GPR149: variants seen among roughly 807,000 people sequenced by gnomAD.
GPR149 encodes the protein probable G protein-coupled receptor 149.
A neutral mutation model predicts 50.2 loss-of-function variants in GPR149; 50 were observed. The observed-to-expected ratio is 1.00, with a 90% CI of 0.79 to 1.26. The LOEUF (loss-of-function observed/expected upper bound fraction) is 1.26, where lower values mean the gene tolerates loss of function less well. Ranked by LOEUF, GPR149 falls within the 50% of genes most tolerant of loss-of-function variation. The pLI is 0.00. For synonymous variants in GPR149, 405 were observed against 358.2 expected (o/e 1.13, Z -1.48); for missense variants, 983 against 895.4 (o/e 1.10, Z -1.25).
chr3:154,354,759 T>A, intron 3 of GPR149: 1 of 729,854 alleles, frequency 1.4e-6, no homozygotes, highest in South Asian at 1.9e-5. Flanking sequence ...CCAAGGGTGT[T>A]TTCAGCTCCA....
chr3:154,380,198 G>C (rs1714887223), intron 3 of GPR149, among the ~76,000 whole-genome samples: 1 of 151,056 alleles, frequency 6.6e-6, no homozygotes, highest in East Asian at 1.9e-4. Flanking sequence ...GAGAGAGAGA[G>C]AGAGAGAGAG....
At chr3:154,386,752 C>T (rs545593938) in intron 3 of GPR149, among the ~76,000 whole-genome samples, 2 of 151,996 alleles carry the variant, frequency 1.3e-5, no homozygotes, top group Non-Finnish European at 2.9e-5. Context: ...AAAACCACTG[C>T]GATTGAATTC....
intron 3 of GPR149, among the ~76,000 whole-genome samples, chr3:154,377,989 C>T (rs12488867): frequency 0.25 from 38,020 of 151,580 alleles, 5,724 homozygotes; most frequent in East Asian, 0.68. Context: ...TCTTACTTTG[C>T]ATACTGTTTT....
intron 3 of GPR149, among the ~76,000 whole-genome samples, chr3:154,399,238 T>C (rs1460147815): frequency 6.6e-6 from 1 of 152,178 alleles, no homozygotes; most frequent in Non-Finnish European, 1.5e-5. Context: ...GTCAGGTTCA[T>C]TAAAGACAAG....
intron 3 of GPR149, among the ~76,000 whole-genome samples, chr3:154,395,559 C>G (rs1052189259): frequency 6.6e-6 from 1 of 151,924 alleles, no homozygotes; most frequent in Non-Finnish European, 1.5e-5. Context: ...GAGGCCAGGG[C>G]AGGAGGATTG....
At chr3:154,349,271 T>C (rs1714009057) in intron 3 of GPR149, among the ~76,000 whole-genome samples, 1 of 152,032 alleles carries the variant, frequency 6.6e-6, no homozygotes, top group South Asian at 2.1e-4. Flanking sequence ...CTGATATCAA[T>C]GACATTGAAA....
intron 3 of GPR149, among the ~76,000 whole-genome samples, chr3:154,381,993 T>G (rs181621724): frequency 6.6e-6 from 1 of 152,270 alleles, no homozygotes; most frequent in Non-Finnish European, 1.5e-5. Flanking sequence ...CCCTAAATGA[T>G]AAGGTTTTTT....
chr3:154,362,288 C>CAAA lies in GPR149; in HGVS notation c.1624-24020_1624-24018dup, dbSNP rs34401689. ...TGGGCGACAGAGCAAGACTCCGTCTCAAAAAAAAAAAAAAAAAAAAATGAC... is the reference window on the plus strand; with the variant it reads ...TGGGCGACAGAGCAAGACTCCGTCTCAAAAAAAAAAAAAAAAAAAAAAAATGAC... On this transcript the variant is annotated intron_variant, in intron 3 of 3. Coordinates refer to ENST00000389740, the MANE Select transcript of GPR149 (RefSeq NM_001038705.3). 2.2e-3 allele frequency among the ~76,000 whole-genome samples: 210 copies of CAAA among 94,236 alleles called. 3 individuals are homozygous for CAAA. Among genetic ancestry groups the CAAA allele is most frequent in the African/African-American group, 7.2e-3 (162 of 22,502 alleles). The allele number at this position is 94,236 out of a possible 152,430, so 61.8% of individuals were successfully genotyped here.
In GPR149 at chr3:154,390,184, G is replaced by C. The variant is rs1203985904; in HGVS notation, c.1623+30855C>G. ...CTGGGAGTGCGGACATAAACACAAA[G>C]AGTCGAGAATAAAGAAACAGGAAAA... On this transcript the variant is annotated intron_variant, in intron 3 of 3. Coordinates refer to ENST00000389740, the MANE Select transcript of GPR149 (RefSeq NM_001038705.3). 3.9e-5 allele frequency among the ~76,000 whole-genome samples: 6 copies of C among 152,188 alleles called. No homozygotes were observed. In the Middle Eastern group the frequency reaches 0.014, roughly 345 times the overall value.
At chr3:154,374,176 T>C (rs1282517275) in intron 3 of GPR149, among the ~76,000 whole-genome samples, 6 of 144,488 alleles carry the variant, frequency 4.2e-5, no homozygotes, top group African/African-American at 1.5e-4. Context: ...TTTCTTTTTT[T>C]TTTTTTTTTG....
intron 3 of GPR149, among the ~76,000 whole-genome samples, chr3:154,401,857 G>A (rs2136839): frequency 0.96 from 145,829 of 152,234 alleles, 69,946 homozygotes; most frequent in East Asian, 1. Flanking sequence ...CTAAATAAAT[G>A]TAATAATCTG....
intron 3 of GPR149, among the ~76,000 whole-genome samples, chr3:154,356,828 C>A (rs1356578420): frequency 6.6e-6 from 1 of 152,152 alleles, no homozygotes; most frequent in Non-Finnish European, 1.5e-5. Context: ...TTGGAAAAAA[C>A]TACTTTAAAG....
intron 3 of GPR149, chr3:154,353,103 AT>A: frequency 6.8e-7 from 1 of 1,472,040 alleles, no homozygotes; most frequent in Non-Finnish European, 9.5e-7. Flanking sequence ...ATTCTGTTTT[AT>A]GTGTGGATTC....
chr3:154,413,643 T>A (rs375197767), intron 3 of GPR149, among the ~76,000 whole-genome samples: 24 of 148,124 alleles, frequency 1.6e-4, no homozygotes, highest in South Asian at 6.4e-4. Context: ...GATTATAAAA[T>A]AAAAAAAAAA....
intron 3 of GPR149, among the ~76,000 whole-genome samples, chr3:154,398,797 G>T (rs978590325): frequency 6.6e-6 from 1 of 152,080 alleles, no homozygotes; most frequent in Non-Finnish European, 1.5e-5. Context: ...TTTGTTCATG[G>T]ATGCTCATGA....
At chr3:154,364,531 A>C (rs191920382) in intron 3 of GPR149, among the ~76,000 whole-genome samples, 1 of 152,228 alleles carries the variant, frequency 6.6e-6, no homozygotes, top group Admixed American at 6.5e-5. Flanking sequence ...CTGTGAAATC[A>C]AACAAATTAT....
At position 154,407,092 on chromosome 3, in the gene GPR149, C is replaced by T. The variant is rs571378787; in HGVS notation, c.1623+13947G>A. 2.6e-5 allele frequency among the ~76,000 whole-genome samples: 4 copies of T among 152,106 alleles called. No individual in the cohort carries two copies. In the South Asian group the frequency reaches 8.3e-4, roughly 32 times the overall value. ...AAGAAGAGTATGGGGGAAACCACCC[C>T]TCATGATTCAAGGATCTCCCACTGG... On this transcript the variant is annotated intron_variant, in intron 3 of 3. Transcript: ENST00000389740.
chr3:154,346,407 C>A (rs1157973871), intron 3 of GPR149, among the ~76,000 whole-genome samples: 1 of 152,096 alleles, frequency 6.6e-6, no homozygotes, highest in Non-Finnish European at 1.5e-5. Context: ...CTGTCATTTT[C>A]ATTTAAATGT....
intron 3 of GPR149, among the ~76,000 whole-genome samples, chr3:154,356,406 T>C (rs894465560): frequency 3.3e-5 from 5 of 152,192 alleles, no homozygotes; most frequent in African/African-American, 1.2e-4. Flanking sequence ...TGTTTGCAGA[T>C]GACATGATTG....
Sources: gnomAD v4.1 joint callset for allele counts (sites outside exome capture counted in the v4.1 genomes callset) on GRCh38, gnomAD v4.1.1 for gene constraint, MANE v1.5 for transcripts, NCBI Gene and HGNC (gene_info 2026-07-23, HGNC 2026-07-21) for gene names.